GLB1L3: variants seen among roughly 807,000 people sequenced by gnomAD.
The protein encoded by GLB1L3 is galactosidase beta 1 like 3.
In GLB1L3, 89 loss-of-function variants were observed where a neutral mutation model predicts 89.5. That is an observed-to-expected ratio of 0.99 (90% CI 0.84 to 1.19). GLB1L3 has a LOEUF of 1.19. GLB1L3 is among the 50% of genes most tolerant of loss of function. The probability of loss-of-function intolerance (pLI) is 0.00; values close to 1 mark genes in which losing one functional copy is unlikely to be tolerated. For synonymous variants in GLB1L3, 314 were observed against 312.3 expected (o/e 1.01, Z -0.06); for missense variants, 812 against 813.3 (o/e 1.00, Z 0.02).
chr11:134,305,013 A>G, intron 9 of GLB1L3: 1 of 1,353,378 alleles, frequency 7.4e-7, no homozygotes, highest in Non-Finnish European at 1.0e-6. Flanking sequence ...CTAACAATGT[A>G]TCTTAGTGGC....
intron 18 of GLB1L3, chr11:134,317,041 G>A (rs1343346758): frequency 6.6e-6 from 1 of 152,344 alleles, no homozygotes; most frequent in Non-Finnish European, 1.5e-5. Context: ...AAAGCTGCAG[G>A]CCACTCTGGG....
chr11:134,312,972 C>G, intron 15 of GLB1L3, 85 bp downstream of exon 15: 1 of 929,914 alleles, frequency 1.1e-6, no homozygotes, highest in Non-Finnish European at 1.7e-6. Context: ...AGCCTCCCTT[C>G]TCCACCCCTG....
At chr11:134,286,612 TA>T (rs1170134496) in intron 6 of GLB1L3, among the ~76,000 whole-genome samples, 10 of 150,844 alleles carry the variant, frequency 6.6e-5, no homozygotes, top group Non-Finnish European at 3.0e-5. Flanking sequence ...CCGTCTCTAC[TA>T]AAAAATAGAA....
At chr11:134,299,358 T>C (rs917574137) in intron 9 of GLB1L3, among the ~76,000 whole-genome samples, 3 of 152,158 alleles carry the variant, frequency 2.0e-5, no homozygotes, top group Non-Finnish European at 2.9e-5. Flanking sequence ...CCTTTTTGTA[T>C]GTCTCATAAT....
At chr11:134,298,053 G>A (rs973355366) in intron 9 of GLB1L3, among the ~76,000 whole-genome samples, 2 of 151,448 alleles carry the variant, frequency 1.3e-5, no homozygotes, top group Non-Finnish European at 2.9e-5. Flanking sequence ...TGAGAAGTCA[G>A]TATTAATTCT....
intron 5 of GLB1L3, among the ~76,000 whole-genome samples, chr11:134,283,167 A>C (rs1940791734): frequency 1.3e-5 from 2 of 151,826 alleles, no homozygotes; most frequent in African/African-American, 4.8e-5. Flanking sequence ...GGTTCAAGCG[A>C]TTCTCCTGCC....
At chr11:134,297,349 G>A (rs1779973478) in intron 9 of GLB1L3, among the ~76,000 whole-genome samples, 1 of 152,070 alleles carries the variant, frequency 6.6e-6, no homozygotes, top group South Asian at 2.1e-4. Flanking sequence ...TGTATTTTAA[G>A]ATAATGTGGC....
chr11:134,298,832 A>G (rs1222978251), intron 9 of GLB1L3, among the ~76,000 whole-genome samples: 1 of 152,184 alleles, frequency 6.6e-6, no homozygotes, highest in Non-Finnish European at 1.5e-5. Context: ...ATTACATCCT[A>G]GTGAGATTCA....
At position 134,318,740 on chromosome 11, in the gene GLB1L3, A is replaced by G; in HGVS notation, c.1889A>G (p.Asp630Gly). The G allele has an allele frequency of 6.3e-7, 1 of 1,598,332 alleles. No homozygotes were observed. The highest frequency in any genetic ancestry group is 8.6e-7 in the Non-Finnish European group (1 of 1,166,296). Reference protein sequence around the residue: ...YLPGVWLHPEDNEVILFEKMM... With the variant: ...YLPGVWLHPEGNEVILFEKMM... ...CCTGGAGTTTGGCTTCATCCAGAAG[A>G]CAATGAGGTATGTCACTCCAGTCTC... is the stretch of plus-strand genomic sequence containing the variant. The change falls in exon 19 of 20, where the codon GAC becomes GGC. Residue 630 changes from aspartate (D) to glycine (G), a missense_variant. Coordinates refer to ENST00000431683, the MANE Select transcript of GLB1L3 (RefSeq NM_001080407.3).
rs1940832767 is a variant in GLB1L3, at chr11:134,283,735, A to T, written c.528-2A>T. 1 of 1,597,802 alleles carries T rather than the reference A, an allele frequency of 6.3e-7. No individual in the cohort carries two copies. On this transcript the variant is annotated splice_acceptor_variant, in intron 5 of 19. Coordinates refer to ENST00000431683, the MANE Select transcript of GLB1L3 (RefSeq NM_001080407.3). LOFTEE classifies it high-confidence loss of function. ...CCCTGAGCCCGCCCCTCTTGCCCCC[A>T]GCTGGCTCCTGCAAGACCCCCGGTT... is the stretch of plus-strand genomic sequence containing the variant.
intron 6 of GLB1L3, among the ~76,000 whole-genome samples, chr11:134,286,584 G>C (rs966594948): frequency 1.3e-5 from 2 of 151,956 alleles, no homozygotes; most frequent in Non-Finnish European, 2.9e-5. Flanking sequence ...AGACCATCTT[G>C]GCTAACACGG....
At chr11:134,285,102 G>T (rs1940909709) in intron 6 of GLB1L3, among the ~76,000 whole-genome samples, 1 of 151,736 alleles carries the variant, frequency 6.6e-6, no homozygotes. Context: ...CTAACTTTTT[G>T]TATTTTTAGT....
chr11:134,302,425 A>G (rs493499), intron 9 of GLB1L3, among the ~76,000 whole-genome samples: 24,560 of 152,196 alleles, frequency 0.16, 2,107 homozygotes, highest in Middle Eastern at 0.19. Context: ...TTTGGACATC[A>G]TAGTTGATAA....
chr11:134,308,198 ACCAC>A, intron 10 of GLB1L3, among the ~76,000 whole-genome samples: 1 of 59,036 alleles, frequency 1.7e-5, no homozygotes, highest in Non-Finnish European at 3.2e-5. Flanking sequence ...CATCACCATC[ACCAC>A]TACCACCACC....
At chr11:134,277,617 G>T (rs1940449365) in intron 2 of GLB1L3, 83 bp from the exon 3 acceptor site, 28 of 1,529,974 alleles carry the variant, frequency 1.8e-5, no homozygotes, top group Non-Finnish European at 2.4e-5. Context: ...ACTTCTTTTC[G>T]CTAGGGTTTC....
intron 3 of GLB1L3, 32 bp downstream of exon 3, chr11:134,277,944 G>C (rs539491048): frequency 8.7e-6 from 14 of 1,605,860 alleles, no homozygotes; most frequent in Admixed American, 3.4e-5. Context: ...CCAGGATCTC[G>C]TTACCCTACA....
At chr11:134,308,655 T>TCAC (rs1186746011) in intron 10 of GLB1L3, among the ~76,000 whole-genome samples, 13 of 105,598 alleles carry the variant, frequency 1.2e-4, no homozygotes, top group East Asian at 3.2e-4. Flanking sequence ...ACCACCATCA[T>TCAC]CACCACCACC....
chr11:134,302,961 A>G (rs1046186049), intron 9 of GLB1L3, among the ~76,000 whole-genome samples: 11 of 152,248 alleles, frequency 7.2e-5, no homozygotes, highest in Admixed American at 5.9e-4. Context: ...TATTTCTACC[A>G]GTAGACCTTA....
chr11:134,313,532 A>C, intron 16 of GLB1L3, 58 bp downstream of exon 16: 1 of 1,314,868 alleles, frequency 7.6e-7, no homozygotes, highest in Non-Finnish European at 1.1e-6. Context: ...CGGGCTATGC[A>C]CTGGAGTCGG....
Sources: gnomAD v4.1 joint callset for allele counts (sites outside exome capture counted in the v4.1 genomes callset) on GRCh38, gnomAD v4.1.1 for gene constraint, MANE v1.5 for transcripts, NCBI Gene and HGNC (gene_info 2026-07-23, HGNC 2026-07-21) for gene names.